Variants in DIAPH3 observed in about 807,000 individuals in gnomAD.
DIAPH3 encodes diaphanous related formin 3, also known as protein diaphanous homolog 3.
A neutral mutation model predicts 144.3 loss-of-function variants in DIAPH3; 117 were observed. That is an observed-to-expected ratio of 0.81 (90% CI 0.70 to 0.95). DIAPH3 has a LOEUF of 0.95. DIAPH3 is among the 40% of genes least tolerant of loss of function. The pLI is 0.00. For synonymous variants in DIAPH3, 519 were observed against 488.9 expected (o/e 1.06, Z -0.81); for missense variants, 1,421 against 1,412.7 (o/e 1.01, Z -0.09).
chr13:59,672,833 T>C (rs959114501), intron 27 of DIAPH3, among the ~76,000 whole-genome samples: 14 of 152,164 alleles, frequency 9.2e-5, no homozygotes, highest in Non-Finnish European at 1.9e-4. Flanking sequence ...GAAACTCTTA[T>C]TAAAACAAAT....
At chr13:59,935,789 A>G (rs1035907206) in intron 17 of DIAPH3, among the ~76,000 whole-genome samples, 1 of 152,192 alleles carries the variant, frequency 6.6e-6, no homozygotes, top group Admixed American at 6.5e-5. Flanking sequence ...TTCAAATACT[A>G]ATATATGACT....
intron 27 of DIAPH3, among the ~76,000 whole-genome samples, chr13:59,719,248 G>A (rs1593662697): frequency 6.6e-6 from 1 of 152,144 alleles, no homozygotes; most frequent in East Asian, 1.9e-4. Context: ...AAACGTATTT[G>A]TGTGATTTGA....
At position 60,083,907 on chromosome 13, in the gene DIAPH3, AGATGGATGGATGGATGGATGGATG is replaced by A. The variant is rs61418371; in HGVS notation, c.495+9697_495+9720del. On this transcript the variant is annotated intron_variant, in intron 4 of 27. Coordinates refer to ENST00000400324, the MANE Select transcript of DIAPH3 (RefSeq NM_001042517.2). ...ACAGAGCAAGACCCTATGGATGGACAGATGGATGGATGGATGGATGGATGGATGGATGGATGGATGGATGGATGG... is the reference window on the plus strand; with the variant it reads ...ACAGAGCAAGACCCTATGGATGGACAGATGGATGGATGGATGGATGGATGG... Among the ~76,000 whole-genome samples the A allele has an allele frequency of 1.6e-3, 227 of 145,696 alleles. 1 individual carries two copies. The Middle Eastern group carries it at 0.021, about 13-fold the overall frequency.
chr13:59,669,388 A>G (rs994271201), intron 27 of DIAPH3, among the ~76,000 whole-genome samples: 4 of 152,102 alleles, frequency 2.6e-5, no homozygotes, highest in Non-Finnish European at 5.9e-5. Context: ...TGAAACTTCC[A>G]ATATGTCCTC....
intron 21 of DIAPH3, among the ~76,000 whole-genome samples, chr13:59,872,234 C>T (rs2044324762): frequency 6.6e-6 from 1 of 152,068 alleles, no homozygotes; most frequent in Non-Finnish European, 1.5e-5. Flanking sequence ...GTGAGCACTG[C>T]TTTTATTGCA....
At chr13:60,056,144 CT>C (rs1316042887) in intron 4 of DIAPH3, among the ~76,000 whole-genome samples, 1 of 151,208 alleles carries the variant, frequency 6.6e-6, no homozygotes, top group East Asian at 1.9e-4. Context: ...ATGTTAGACT[CT>C]AACTAAAGAT....
At chr13:59,694,232 A>G (rs1781962271) in intron 27 of DIAPH3, among the ~76,000 whole-genome samples, 2 of 152,190 alleles carry the variant, frequency 1.3e-5, no homozygotes, top group Admixed American at 1.3e-4. Flanking sequence ...ATAATTGTGT[A>G]TGACTCCAAC....
At chr13:60,116,553 C>A (rs1172563415) in intron 2 of DIAPH3, among the ~76,000 whole-genome samples, 1 of 151,830 alleles carries the variant, frequency 6.6e-6, no homozygotes, top group South Asian at 2.1e-4. Flanking sequence ...AATTCCTAAG[C>A]ACAGAAACTA....
intron 1 of DIAPH3, 50 bp from the exon 2 acceptor site, chr13:60,133,039 T>C (rs1594750692): frequency 7.5e-7 from 1 of 1,333,126 alleles, no homozygotes. Flanking sequence ...ACAGCTTCTT[T>C]ATTTTAGTTA....
chr13:60,013,049 CAGTGCTCGGATTAA>C, intron 7 of DIAPH3: 1 of 985,354 alleles, frequency 1.0e-6, no homozygotes, highest in Non-Finnish European at 1.2e-6. Context: ...GTCAACTTAC[CAGTGCTCGGATTAA>C]AGTGCATTTA....
chr13:59,791,825 G>T (rs2039341334), intron 25 of DIAPH3, among the ~76,000 whole-genome samples: 1 of 152,112 alleles, frequency 6.6e-6, no homozygotes, highest in African/African-American at 2.4e-5. Context: ...TCCTCAGAGA[G>T]AAAGACCAGA....
chr13:59,994,698 G>T (rs959687021), intron 9 of DIAPH3, among the ~76,000 whole-genome samples: 1 of 151,872 alleles, frequency 6.6e-6, no homozygotes, highest in Non-Finnish European at 1.5e-5. Flanking sequence ...CTAAGCCGAG[G>T]AATTAACATG....
intron 4 of DIAPH3, among the ~76,000 whole-genome samples, chr13:60,071,214 A>G (rs1238417955): frequency 6.6e-6 from 1 of 152,182 alleles, no homozygotes; most frequent in East Asian, 1.9e-4. Flanking sequence ...TTTGTAGCCA[A>G]GGAGAAGTTG....
At position 59,729,808 on chromosome 13, in the gene DIAPH3, A is replaced by ATTTTTTTTTTTTTTTTTTTTTTTTTTT. The variant is rs202135165; in HGVS notation, c.3319+44380_3319+44381insAAAAAAAAAAAAAAAAAAAAAAAAAAA. 6.9e-5 allele frequency among the ~76,000 whole-genome samples: 8 copies of ATTTTTTTTTTTTTTTTTTTTTTTTTTT among 115,186 alleles called. 1 individual carries two copies. Among genetic ancestry groups the ATTTTTTTTTTTTTTTTTTTTTTTTTTT allele is most frequent in the African/African-American group, 2.1e-4 (6 of 28,430 alleles). 75.6% of individuals were successfully genotyped at this position (115,186 alleles called of 152,430 possible). On this transcript the variant is annotated intron_variant, in intron 27 of 27. Transcript: ENST00000400324. ...TTTGTGACTTCCGGTGAATACATTA[A>ATTTTTTTTTTTTTTTTTTTTTTTTTTT]TATTTTTTTTTTTTTTTTTTTGAGA... is the stretch of plus-strand genomic sequence containing the variant.
At chr13:59,860,366 G>T (rs1201216288) in intron 22 of DIAPH3, among the ~76,000 whole-genome samples, 2 of 152,174 alleles carry the variant, frequency 1.3e-5, no homozygotes, top group African/African-American at 4.8e-5. Flanking sequence ...CAGCATTCCA[G>T]ATGAGTTGTT....
At chr13:59,668,844 T>TGTATACAC in intron 27 of DIAPH3, among the ~76,000 whole-genome samples, 1 of 148,354 alleles carries the variant, frequency 6.7e-6, no homozygotes, top group African/African-American at 2.5e-5. Context: ...TATGTATGTA[T>TGTATACAC]ACACACACAC....
At chr13:60,114,447 T>G (rs2138085579) in intron 2 of DIAPH3, among the ~76,000 whole-genome samples, 1 of 151,846 alleles carries the variant, frequency 6.6e-6, no homozygotes, top group East Asian at 1.9e-4. Context: ...GAAAAAAAAT[T>G]GAGTATGATC....
At chr13:60,020,084 A>G (rs892705971) in intron 5 of DIAPH3, among the ~76,000 whole-genome samples, 4 of 152,226 alleles carry the variant, frequency 2.6e-5, no homozygotes, top group African/African-American at 9.6e-5. Flanking sequence ...CCTTGAGTAT[A>G]GGGACCGTTT....
intron 5 of DIAPH3, among the ~76,000 whole-genome samples, chr13:60,023,415 T>TA (rs1486988620): frequency 2.0e-5 from 3 of 152,086 alleles, no homozygotes; most frequent in East Asian, 3.8e-4. Flanking sequence ...AAGATGTTTT[T>TA]ATCTATCTTT....
Sources: allele counts gnomAD v4.1 joint callset (sites outside exome capture counted in the v4.1 genomes callset), GRCh38; gene constraint gnomAD v4.1.1; transcripts MANE v1.5; gene names NCBI Gene and HGNC (gene_info 2026-07-23, HGNC 2026-07-21).